The following EDNRB variants were observed in gnomAD, a reference collection of about 807,000 sequenced individuals.
The protein encoded by EDNRB is Hirschsprung disease 2.
In EDNRB, 18 loss-of-function variants were observed where a neutral mutation model predicts 46.4. The observed-to-expected ratio is 0.39, with a 90% CI of 0.27 to 0.57. The LOEUF is 0.57. Ranked by LOEUF, EDNRB falls within the 20% of genes least tolerant of loss-of-function variation. EDNRB has a pLI of 0.61. For missense variants in EDNRB, 434 were observed against 537.5 expected (o/e 0.81, Z 1.90); for synonymous variants, 213 against 204.9 (o/e 1.04, Z -0.34).
intron 1 of EDNRB, among the ~76,000 whole-genome samples, chr13:77,971,904 G>A (rs375378843): frequency 4.9e-4 from 74 of 152,212 alleles, no homozygotes; most frequent in East Asian, 1.4e-3. Flanking sequence ...CTAGTTATTC[G>A]GCAGAGTGCC....
intron 1 of EDNRB, among the ~76,000 whole-genome samples, chr13:77,973,928 C>T (rs947360110): frequency 7.2e-6 from 1 of 138,546 alleles, no homozygotes; most frequent in South Asian, 2.3e-4. Context: ...TTCTGCCCCC[C>T]CTTTTTTCCT....
At chr13:77,909,839 G>C (rs916892076) in intron 1 of EDNRB, among the ~76,000 whole-genome samples, 1 of 151,950 alleles carries the variant, frequency 6.6e-6, no homozygotes, top group East Asian at 1.9e-4. Context: ...TAATTGACAT[G>C]ACTGTATATT....
At chr13:77,910,806 C>T (rs1373619907) in intron 1 of EDNRB, among the ~76,000 whole-genome samples, 1 of 151,960 alleles carries the variant, frequency 6.6e-6, no homozygotes, top group Non-Finnish European at 1.5e-5. Context: ...ATCCACAAAA[C>T]AGAGGCCTTT....
chr13:77,913,781 G>A (rs1362304440), intron 1 of EDNRB, among the ~76,000 whole-genome samples: 1 of 152,138 alleles, frequency 6.6e-6, no homozygotes, highest in Non-Finnish European at 1.5e-5. Flanking sequence ...ATACCCGGCT[G>A]TCTTGCTTTT....
At chr13:77,906,093 G>A (rs956759509) in intron 1 of EDNRB, among the ~76,000 whole-genome samples, 14 of 151,918 alleles carry the variant, frequency 9.2e-5, no homozygotes, top group African/African-American at 3.1e-4. Flanking sequence ...GTTATAGGCT[G>A]TATATATTTT....
chr13:77,923,193 CA>C (rs1442384290), upstream of EDNRB, among the ~76,000 whole-genome samples: 3 of 152,110 alleles, frequency 2.0e-5, no homozygotes, highest in African/African-American at 7.2e-5. Context: ...CTGAGAAAAG[CA>C]ACATAGTTCA....
At chr13:77,968,151 T>A (rs1881632983) in intron 1 of EDNRB, among the ~76,000 whole-genome samples, 1 of 152,094 alleles carries the variant, frequency 6.6e-6, no homozygotes, top group South Asian at 2.1e-4. Flanking sequence ...CTCCCATATA[T>A]TTACATACTA....
In EDNRB at chr13:77,918,137, C is replaced by G. The variant is rs1336072126; in HGVS notation, c.437G>C (p.Gly146Ala). ...PNILIASLAL[G>A]DLLHIVIDIP... The stretch of plus-strand genomic sequence containing the variant: ...GTCAATGACGATGTGCAGCAGGTCT[C>G]CCAGAGCCAAGCTGGCGATCAAGAT... Residue 146 changes from glycine to alanine, a missense_variant, in exon 1 of 7, where the codon GGA becomes GCA. Transcript: ENST00000646607. This position sits in a 1 kb window ranked among gnomAD's most constrained non-coding sequence, Gnocchi z 4.5. 7 of 1,614,046 alleles carry G rather than the reference C, an allele frequency of 4.3e-6. No individual in the cohort carries two copies. The highest frequency in any genetic ancestry group is 5.9e-6 in the Non-Finnish European group (7 of 1,180,046).
At chr13:77,965,202 C>A (rs1174712406) in intron 1 of EDNRB, among the ~76,000 whole-genome samples, 1 of 152,100 alleles carries the variant, frequency 6.6e-6, no homozygotes, top group African/African-American at 2.4e-5. Flanking sequence ...TTACACAAAC[C>A]CAAATCATTG....
chr13:77,896,961 A>G lies in EDNRB; in HGVS notation c.*1239T>C, dbSNP rs139227422. On this transcript the variant is annotated 3_prime_UTR_variant, in exon 7 of 7. Coordinates refer to ENST00000646607, the MANE Select transcript of EDNRB (RefSeq NM_001122659.3). ...AGCACCATGTCAAGCAAACTTTTCT[A>G]TTGGCTATTTACAAAAATAATACAA... is the stretch of plus-strand genomic sequence containing the variant. 16 of 991,988 alleles carry G rather than the reference A, an allele frequency of 1.6e-5. No individual in the cohort carries two copies. The South Asian group carries it at 2.3e-4, about 14-fold the overall frequency. 61.4% of individuals were successfully genotyped at this position (991,988 alleles called of 1,614,324 possible).
Position 77,897,976 on chromosome 13 carries a change from T to C in EDNRB, c.*224A>G. The C allele has an allele frequency of 7.5e-7, 1 of 1,325,148 alleles. No individual in the cohort carries two copies. Among genetic ancestry groups the C allele is most frequent in the Non-Finnish European group, 9.7e-7 (1 of 1,034,182 alleles). 82.1% of individuals were successfully genotyped at this position (1,325,148 alleles called of 1,614,324 possible). On this transcript the variant is annotated 3_prime_UTR_variant, in exon 7 of 7. Coordinates refer to ENST00000646607, the MANE Select transcript of EDNRB (RefSeq NM_001122659.3). ...TGCTAACTGTAAAAAATTAAGTGCT[T>C]TCACGACGAGGCTTTCTTAATTCCC... is the stretch of plus-strand genomic sequence containing the variant.
chr13:77,935,199 C>T (rs569202160), intron 1 of EDNRB, among the ~76,000 whole-genome samples: 4 of 152,340 alleles, frequency 2.6e-5, no homozygotes, highest in East Asian at 1.9e-4. Context: ...AGGGCGGCGG[C>T]GGCCGCCACA....
intron 1 of EDNRB, among the ~76,000 whole-genome samples, chr13:77,970,774 T>A (rs889748129): frequency 6.6e-5 from 10 of 151,824 alleles, no homozygotes; most frequent in African/African-American, 2.4e-5. Context: ...CAAACAAGTT[T>A]TTTTTAGGGT....
chr13:77,923,503 G>T (rs1253806984), upstream of EDNRB, among the ~76,000 whole-genome samples: 2 of 152,134 alleles, frequency 1.3e-5, no homozygotes, highest in Non-Finnish European at 2.9e-5. Context: ...CAGTAATGGA[G>T]AAAACACTAT....
At chr13:77,920,738 T>C (rs1291060187), upstream of EDNRB, among the ~76,000 whole-genome samples, 5 of 152,244 alleles carry the variant, frequency 3.3e-5, no homozygotes, top group Non-Finnish European at 4.4e-5. Context: ...TTGCAGTCCT[T>C]ATCCTCCCTG....
chr13:77,908,170 T>A (rs1176448657), intron 1 of EDNRB, among the ~76,000 whole-genome samples: 1 of 151,742 alleles, frequency 6.6e-6, no homozygotes, highest in Non-Finnish European at 1.5e-5. Context: ...TTCCATTATT[T>A]TGTAGTGAGA....
intron 1 of EDNRB, among the ~76,000 whole-genome samples, chr13:77,915,684 C>A (rs1363432602): frequency 6.6e-6 from 1 of 152,138 alleles, no homozygotes; most frequent in Non-Finnish European, 1.5e-5. Context: ...TAACTGGTAG[C>A]CATTATTATG....
chr13:77,919,725 A>AG (rs367849777), upstream of EDNRB: 6 of 1,067,324 alleles, frequency 5.6e-6, no homozygotes, highest in African/African-American at 7.9e-5. Context: ...TGCCCGAGGG[A>AG]GGGGGGCAGT....
chr13:77,919,495 A>T, upstream of EDNRB: 2 of 1,612,762 alleles, frequency 1.2e-6, no homozygotes, highest in Non-Finnish European at 1.7e-6. Flanking sequence ...GGAGAGGAGC[A>T]CGCCTCCCTT....
Sources: allele counts gnomAD v4.1 joint callset (sites outside exome capture counted in the v4.1 genomes callset), GRCh38; gene constraint gnomAD v4.1.1; non-coding constraint Gnocchi (gnomAD v3.1); transcripts MANE v1.5; gene names NCBI Gene and HGNC (gene_info 2026-07-23, HGNC 2026-07-21).